The following CCDC192 variants were observed in gnomAD, a reference collection of about 807,000 sequenced individuals.
The protein encoded by CCDC192 is coiled-coil domain containing 192.
intron 6 of CCDC192, among the ~76,000 whole-genome samples, chr5:127,885,240 A>G (rs933930829): frequency 3.9e-5 from 6 of 152,232 alleles, no homozygotes; most frequent in African/African-American, 1.4e-4. Context: ...TTTCGTTCTT[A>G]GCTACAGAGA....
At chr5:127,825,837 A>T (rs1749504463) in intron 5 of CCDC192, among the ~76,000 whole-genome samples, 1 of 152,232 alleles carries the variant, frequency 6.6e-6, no homozygotes, top group African/African-American at 2.4e-5. Flanking sequence ...CCGTAAGAAG[A>T]TATTCCATAT....
At chr5:127,809,604 A>G (rs906079749) in intron 5 of CCDC192, among the ~76,000 whole-genome samples, 1 of 152,212 alleles carries the variant, frequency 6.6e-6, no homozygotes, top group African/African-American at 2.4e-5. Context: ...TGTAATTTCC[A>G]TCAAAAGAAG....
intron 5 of CCDC192, among the ~76,000 whole-genome samples, chr5:127,847,038 A>G (rs984075302): frequency 9.9e-5 from 15 of 152,142 alleles, no homozygotes; most frequent in Middle Eastern, 3.2e-3. Context: ...AACCAGTGTT[A>G]TTTCCAAATG....
intron 6 of CCDC192, among the ~76,000 whole-genome samples, chr5:127,930,713 G>A (rs991263100): frequency 6.6e-6 from 1 of 152,200 alleles, no homozygotes; most frequent in African/African-American, 2.4e-5. Context: ...CTCTGCCCCA[G>A]AAAGGAACTG....
intron 5 of CCDC192, among the ~76,000 whole-genome samples, chr5:127,863,222 G>A (rs1260997955): frequency 6.6e-6 from 1 of 152,162 alleles, no homozygotes. Context: ...CTCAAGAAAT[G>A]TCTTCTGCAC....
At chr5:127,769,271 T>A (rs1201019554) in intron 3 of CCDC192, among the ~76,000 whole-genome samples, 1 of 152,202 alleles carries the variant, frequency 6.6e-6, no homozygotes, top group Non-Finnish European at 1.5e-5. Context: ...CTTAAACGTA[T>A]GAATGGATGG....
intron 6 of CCDC192, among the ~76,000 whole-genome samples, chr5:127,877,667 T>C (rs1170323075): frequency 2.4e-5 from 2 of 84,624 alleles, no homozygotes; most frequent in African/African-American, 8.7e-5. Context: ...ACTGGCATTC[T>C]CAGAAATCTG....
intron 3 of CCDC192, among the ~76,000 whole-genome samples, chr5:127,764,216 C>T (rs1199605021): frequency 6.6e-6 from 1 of 152,112 alleles, no homozygotes; most frequent in Non-Finnish European, 1.5e-5. Context: ...AGAGAGAAAA[C>T]AGTGAGGGAC....
intron 3 of CCDC192, chr5:127,784,644 A>G: frequency 1.4e-6 from 1 of 712,148 alleles, no homozygotes; most frequent in Non-Finnish European, 2.4e-6. Flanking sequence ...TGTGCTTTTC[A>G]CCATCAACTT....
intron 3 of CCDC192, among the ~76,000 whole-genome samples, chr5:127,783,963 T>G (rs1307207081): frequency 6.6e-6 from 1 of 152,180 alleles, no homozygotes; most frequent in Non-Finnish European, 1.5e-5. Flanking sequence ...TCCTGCTCAT[T>G]TTTGGTGTCC....
At chr5:127,782,871 G>A (rs769453943) in intron 3 of CCDC192, among the ~76,000 whole-genome samples, 11 of 151,618 alleles carry the variant, frequency 7.3e-5, no homozygotes, top group Non-Finnish European at 1.2e-4. Context: ...ATTTGTTCTT[G>A]TTCCACTAGT....
intron 3 of CCDC192, among the ~76,000 whole-genome samples, chr5:127,759,847 T>A (rs1469905614): frequency 1.3e-5 from 2 of 152,240 alleles, no homozygotes; most frequent in Non-Finnish European, 2.9e-5. Flanking sequence ...CTACTCTTTC[T>A]CATCTCTTCA....
chr5:127,864,094 C>T (rs1580767799), intron 5 of CCDC192, among the ~76,000 whole-genome samples: 2 of 152,100 alleles, frequency 1.3e-5, no homozygotes, highest in South Asian at 4.1e-4. Flanking sequence ...AGGTCATTGT[C>T]GCTCCCACTA....
At chr5:127,709,000 G>C (rs111566458) in intron 2 of CCDC192, among the ~76,000 whole-genome samples, 6,564 of 151,710 alleles carry the variant, frequency 0.043, 200 homozygotes, top group Admixed American at 0.057. Flanking sequence ...CAGGCTGTAC[G>C]GGAAGTATAG....
intron 3 of CCDC192, among the ~76,000 whole-genome samples, chr5:127,771,019 C>G (rs921655335): frequency 2.0e-5 from 3 of 152,090 alleles, no homozygotes; most frequent in African/African-American, 7.2e-5. Flanking sequence ...AGCACAATAT[C>G]TAGGTTCTTT....
intron 3 of CCDC192, among the ~76,000 whole-genome samples, chr5:127,776,804 C>T (rs1755891054): frequency 6.6e-6 from 1 of 152,206 alleles, no homozygotes; most frequent in Non-Finnish European, 1.5e-5. Flanking sequence ...TCAGAGGGTG[C>T]AAGCTCCAAG....
intron 2 of CCDC192, among the ~76,000 whole-genome samples, chr5:127,753,657 G>T (rs114731566): frequency 6.6e-6 from 1 of 150,698 alleles, no homozygotes; most frequent in South Asian, 2.1e-4. Context: ...CCTTGCACTC[G>T]GCCTGGGCAA....
At chr5:127,919,041 A>G (rs1753621018) in intron 6 of CCDC192, among the ~76,000 whole-genome samples, 2 of 146,942 alleles carry the variant, frequency 1.4e-5, no homozygotes. Flanking sequence ...ATATGTGTGT[A>G]TATATCTGTG....
chr5:127,790,851 C>A lies in CCDC192; in HGVS notation c.223-6252C>A, dbSNP rs929466419. ...CTTGGGCATAGCTTCCTTTTTATTG[C>A]TTTTTAAATGTTTATTTATTAATAA... On this transcript the variant is annotated intron_variant, in intron 3 of 6. Transcript: ENST00000514853. 3.9e-5 allele frequency among the ~76,000 whole-genome samples: 6 copies of A among 152,264 alleles called. No individual in the cohort carries two copies. In the East Asian group the frequency reaches 9.6e-4, roughly 24 times the overall value.
Sources: allele counts gnomAD v4.1 joint callset (sites outside exome capture counted in the v4.1 genomes callset), GRCh38; gene constraint gnomAD v4.1.1; transcripts MANE v1.5; gene names NCBI Gene and HGNC (gene_info 2026-07-23, HGNC 2026-07-21).